Variants in CDK19 observed in about 807,000 individuals in gnomAD.
The protein encoded by CDK19 is cyclin-dependent kinase 19.
A neutral mutation model predicts 68.3 loss-of-function variants in CDK19; 20 were observed. That is an observed-to-expected ratio of 0.29 (90% CI 0.21 to 0.43). CDK19 has a LOEUF of 0.43. CDK19 is among the 20% of genes least tolerant of loss of function. The probability of loss-of-function intolerance (pLI) is 1.00; values close to 1 mark genes in which losing one functional copy is unlikely to be tolerated. For missense variants in CDK19, 339 were observed against 623.5 expected, an observed-to-expected ratio of 0.54 and a Z score of 4.86; for synonymous variants, 221 against 222.8, an observed-to-expected ratio of 0.99 and a Z score of 0.07.
chr6:110,630,498 G>GA (rs1779370242), intron 6 of CDK19, among the ~76,000 whole-genome samples: 1 of 152,194 alleles, frequency 6.6e-6, no homozygotes, highest in South Asian at 2.1e-4. Context: ...CTAAATGACA[G>GA]AAAAAACAAA....
intron 4 of CDK19, chr6:110,645,892 A>C (rs1007370875): frequency 1.4e-5 from 11 of 776,718 alleles, no homozygotes; most frequent in Non-Finnish European, 2.2e-5. Flanking sequence ...AACAGCGGCG[A>C]CTCAGTCCTG....
intron 5 of CDK19, among the ~76,000 whole-genome samples, chr6:110,633,348 A>G (rs1265654945): frequency 6.6e-6 from 1 of 152,194 alleles, no homozygotes; most frequent in African/African-American, 2.4e-5. Flanking sequence ...TGACATATAT[A>G]TATCTTTTCC....
chr6:110,635,957 A>G (rs1481617402), intron 5 of CDK19, among the ~76,000 whole-genome samples: 1 of 152,242 alleles, frequency 6.6e-6, no homozygotes, highest in East Asian at 1.9e-4. Context: ...AAATCTATTT[A>G]ATAAACTATC....
intron 2 of CDK19, among the ~76,000 whole-genome samples, chr6:110,743,072 A>G (rs1334253069): frequency 2.0e-5 from 3 of 152,024 alleles, no homozygotes; most frequent in Non-Finnish European, 4.4e-5. Flanking sequence ...CTTTCTCTTT[A>G]TTTCTCAGAC....
At chr6:110,748,142 G>A (rs570221186) in intron 1 of CDK19, among the ~76,000 whole-genome samples, 19 of 152,270 alleles carry the variant, frequency 1.2e-4, no homozygotes, top group Admixed American at 7.8e-4. Flanking sequence ...AGACAAAGTA[G>A]TCCAGAAGCT....
intron 1 of CDK19, chr6:110,814,271 T>G: frequency 3.3e-6 from 1 of 302,730 alleles, no homozygotes; most frequent in Admixed American, 4.9e-5. Flanking sequence ...GGCTGCAAGG[T>G]AAAGGGTGGG....
intron 2 of CDK19, among the ~76,000 whole-genome samples, chr6:110,713,239 C>A (rs1218697342): frequency 2.7e-5 from 4 of 150,408 alleles, no homozygotes; most frequent in African/African-American, 9.8e-5. Flanking sequence ...AATAAAATAC[C>A]CTGCATGAGA....
rs369117237 is a variant in CDK19, at chr6:110,694,022, AG to A, written c.205-23482del. 4.7e-4 allele frequency among the ~76,000 whole-genome samples: 72 copies of A among 152,036 alleles called. 1 individual carries two copies. In the South Asian group the frequency reaches 0.014, roughly 30 times the overall value. ...CAAAAACCTCAAAATACACCAAAATAGAACCTCCTCATAGCATAAATCTCAC... is the reference window on the plus strand; with the variant it reads ...CAAAAACCTCAAAATACACCAAAATAAACCTCCTCATAGCATAAATCTCAC... On this transcript the variant is annotated intron_variant, in intron 2 of 12. Transcript: ENST00000368911.
intron 4 of CDK19, among the ~76,000 whole-genome samples, chr6:110,660,283 TG>T (rs1303106729): frequency 6.6e-6 from 1 of 151,394 alleles, no homozygotes; most frequent in Non-Finnish European, 1.5e-5. Flanking sequence ...TGCAGGCGAG[TG>T]GGTACAGGAG....
chr6:110,642,616 A>C (rs546108890), intron 4 of CDK19, among the ~76,000 whole-genome samples: 1 of 152,312 alleles, frequency 6.6e-6, no homozygotes, highest in Admixed American at 6.5e-5. Flanking sequence ...ATGGCTGACT[A>C]AGTGCTCTGA....
chr6:110,766,587 A>G (rs73528432), intron 1 of CDK19, among the ~76,000 whole-genome samples: 2,948 of 152,234 alleles, frequency 0.019, 99 homozygotes, highest in African/African-American at 0.068. Flanking sequence ...CAAAAAAAAG[A>G]AAGAAAAAAG....
chr6:110,619,815 C>A (rs1249829160), intron 12 of CDK19, among the ~76,000 whole-genome samples: 1 of 152,068 alleles, frequency 6.6e-6, no homozygotes, highest in Non-Finnish European at 1.5e-5. Flanking sequence ...CAACTGCCAG[C>A]CCCTGTTGCA....
intron 1 of CDK19, among the ~76,000 whole-genome samples, chr6:110,773,681 CT>C (rs1245295557): frequency 1.3e-5 from 2 of 152,146 alleles, no homozygotes; most frequent in South Asian, 2.1e-4. Flanking sequence ...CTAAATGTTA[CT>C]TTTTTTAATG....
intron 2 of CDK19, among the ~76,000 whole-genome samples, chr6:110,710,606 T>C (rs975667444): frequency 6.6e-6 from 1 of 152,246 alleles, no homozygotes; most frequent in African/African-American, 2.4e-5. Context: ...GGAGATTTGC[T>C]GTCTGGTGAG....
At position 110,714,782 on chromosome 6, in the gene CDK19, A is replaced by G. The variant is rs953916690; in HGVS notation, c.204+31344T>C. 1.3e-4 allele frequency among the ~76,000 whole-genome samples: 18 copies of G among 137,816 alleles called. No individual in the cohort carries two copies. The East Asian group carries it at 1.5e-3, about 11-fold the overall frequency. The allele number at this position is 137,816 out of a possible 152,430, so 90.4% of individuals were successfully genotyped here. On this transcript the variant is annotated intron_variant, in intron 2 of 12. Transcript: ENST00000368911. ...GGAGTCTCACTCTGTCGCCCAGGCT[A>G]GAGCACAGTGGCACAACCTCGGCTC... is the stretch of plus-strand genomic sequence containing the variant.
At chr6:110,762,657 T>A (rs1428253049) in intron 1 of CDK19, among the ~76,000 whole-genome samples, 4 of 152,200 alleles carry the variant, frequency 2.6e-5, no homozygotes, top group African/African-American at 9.6e-5. Context: ...GTCCAGCACC[T>A]ATTATAGGTT....
At chr6:110,754,652 T>C (rs1778710757) in intron 1 of CDK19, among the ~76,000 whole-genome samples, 2 of 151,830 alleles carry the variant, frequency 1.3e-5, no homozygotes, top group South Asian at 2.1e-4. Flanking sequence ...GCTAATTTTT[T>C]TGCATTTTTA....
intron 4 of CDK19, among the ~76,000 whole-genome samples, chr6:110,654,797 C>T (rs1424543243): frequency 1.3e-5 from 2 of 152,010 alleles, no homozygotes; most frequent in Non-Finnish European, 2.9e-5. Flanking sequence ...AAAAAATTAG[C>T]GTGCATGGTG....
In CDK19 at chr6:110,679,808, C is replaced by T. The variant is rs567383067; in HGVS notation, c.205-9267G>A. Among the ~76,000 whole-genome samples the T allele has an allele frequency of 2.6e-5, 4 of 152,194 alleles. No individual in the cohort carries two copies. In the South Asian group the frequency reaches 8.3e-4, roughly 32 times the overall value. ...ATGAAGCTATTAAATGGACATGAAA[C>T]TGTTTATATGTTATTTATTGTCTGT... On this transcript the variant is annotated intron_variant, in intron 2 of 12. Coordinates refer to ENST00000368911, the MANE Select transcript of CDK19 (RefSeq NM_015076.5).
Sources: gnomAD v4.1 joint callset for allele counts (sites outside exome capture counted in the v4.1 genomes callset) on GRCh38, gnomAD v4.1.1 for gene constraint, MANE v1.5 for transcripts, NCBI Gene and HGNC (gene_info 2026-07-23, HGNC 2026-07-21) for gene names.